Variants in UBE2E3 observed in about 807,000 individuals in gnomAD.
UBE2E3 encodes ubiquitin conjugating enzyme E2 E3.
In UBE2E3, 5 loss-of-function variants were observed where a neutral mutation model predicts 23.6. The observed-to-expected ratio is 0.21, with a 90% CI of 0.11 to 0.44. The LOEUF (loss-of-function observed/expected upper bound fraction) is 0.44, where lower values mean the gene tolerates loss of function less well. UBE2E3 is among the 20% of genes least tolerant of loss of function. The pLI is 0.99. For missense variants in UBE2E3, 81 were observed against 249.8 expected (o/e 0.32, Z 4.55); for synonymous variants, 78 against 87.5 (o/e 0.89, Z 0.60).
chr2:181,053,265 T>C (rs1288028140), intron 3 of UBE2E3, among the ~76,000 whole-genome samples: 1 of 151,780 alleles, frequency 6.6e-6, no homozygotes, highest in Admixed American at 6.6e-5. Context: ...ATCATACTTT[T>C]CAGTATTTTT....
chr2:181,037,785 A>G (rs1354554062), intron 3 of UBE2E3, among the ~76,000 whole-genome samples: 3 of 152,142 alleles, frequency 2.0e-5, no homozygotes, highest in Non-Finnish European at 4.4e-5. Context: ...CCTGGGCAAT[A>G]TAGCAAGACA....
In UBE2E3 at chr2:180,982,197, C is replaced by G. The variant is rs1393524691; in HGVS notation, c.155C>G (p.Ser52Cys). The G allele has an allele frequency of 2.5e-6, 4 of 1,612,026 alleles. No individual in the cohort carries two copies. Among genetic ancestry groups the G allele is most frequent in the Non-Finnish European group, 3.4e-6 (4 of 1,179,312 alleles). ...ATQQKKNTKL[S>C]SKTTAKLSTS... ...CAGCAGAAGAAAAACACCAAACTCT[C>G]TAGCAAAACCACTGCTAAGTTATCC... Residue 52 changes from serine (S) to cysteine (C), a missense_variant, in exon 2 of 6, where the codon TCT becomes TGT. Physicochemically the swap from Ser to Cys is moderately radical, Grantham distance 112. Coordinates refer to ENST00000410062, the MANE Select transcript of UBE2E3 (RefSeq NM_006357.4).
chr2:181,009,732 C>G (rs1685260706), intron 3 of UBE2E3, among the ~76,000 whole-genome samples: 1 of 151,976 alleles, frequency 6.6e-6, no homozygotes, highest in African/African-American at 2.4e-5. Context: ...TTTCTTCTGA[C>G]TCCCGTACTG....
intron 3 of UBE2E3, chr2:180,990,032 CACAT>C: frequency 6.8e-7 from 1 of 1,463,998 alleles, no homozygotes; most frequent in Non-Finnish European, 9.2e-7. Context: ...TTTTTTTTTC[CACAT>C]ACCAATTTTG....
Position 181,035,942 on chromosome 2 carries a change from A to C in UBE2E3, c.246-21751A>C, listed in dbSNP as rs556153748. ...GTTTGGTGTTGAACTCTATAGGTAT[A>C]AAGTAAGCCTCCAATGTGGTAAGTG... On this transcript the variant is annotated intron_variant, in intron 3 of 5. Transcript: ENST00000410062. Among the ~76,000 whole-genome samples, 10 of 152,338 alleles carry C rather than the reference A, an allele frequency of 6.6e-5. No individual in the cohort carries two copies. The East Asian group carries it at 1.9e-3, about 29-fold the overall frequency.
chr2:180,985,293 A>G (rs1574153198), intron 3 of UBE2E3, among the ~76,000 whole-genome samples: 1 of 152,168 alleles, frequency 6.6e-6, no homozygotes, highest in East Asian at 1.9e-4. Context: ...TAATGTAGCC[A>G]CTTGCCACAT....
At chr2:180,999,913 C>A (rs1574168211) in intron 3 of UBE2E3, among the ~76,000 whole-genome samples, 1 of 122,856 alleles carries the variant, frequency 8.1e-6, no homozygotes, top group Admixed American at 8.3e-5. Context: ...GACAAATAAA[C>A]AGGCATGTTT....
intron 3 of UBE2E3, among the ~76,000 whole-genome samples, chr2:181,012,833 G>C (rs576885337): frequency 1.1e-4 from 16 of 152,220 alleles, no homozygotes; most frequent in African/African-American, 3.9e-4. Flanking sequence ...CATGAATTTA[G>C]AGATACTAAC....
chr2:181,029,659 C>CTTTTT (rs61149975), intron 3 of UBE2E3, among the ~76,000 whole-genome samples: 4 of 116,844 alleles, frequency 3.4e-5, no homozygotes, highest in Admixed American at 2.6e-4. Context: ...TGTAGACAAT[C>CTTTTT]TTTTTTTTTT....
intron 3 of UBE2E3, among the ~76,000 whole-genome samples, chr2:181,038,911 T>TA (rs944801749): frequency 2.6e-5 from 4 of 152,068 alleles, no homozygotes; most frequent in African/African-American, 9.7e-5. Flanking sequence ...AAAATAATTA[T>TA]AAAAAAACAG....
chr2:181,053,046 A>T (rs1686889092), intron 3 of UBE2E3, among the ~76,000 whole-genome samples: 1 of 151,768 alleles, frequency 6.6e-6, no homozygotes, highest in Non-Finnish European at 1.5e-5. Flanking sequence ...GTTTCCAGGA[A>T]TAATCTTTTT....
At chr2:181,038,979 ATG>A (rs1686387644) in intron 3 of UBE2E3, among the ~76,000 whole-genome samples, 2 of 152,294 alleles carry the variant, frequency 1.3e-5, no homozygotes, top group African/African-American at 4.8e-5. Context: ...AGAAGGCAAA[ATG>A]GTATGGCCAC....
rs371737850 is a variant in UBE2E3, at chr2:181,006,103, C to T, written c.245+22010C>T. 6.6e-5 allele frequency among the ~76,000 whole-genome samples: 10 copies of T among 152,234 alleles called. 1 individual carries two copies. The highest frequency in any genetic ancestry group is 2.4e-4 in the African/African-American group (10 of 41,542). On this transcript the variant is annotated intron_variant, in intron 3 of 5. Coordinates refer to ENST00000410062, the MANE Select transcript of UBE2E3 (RefSeq NM_006357.4). The stretch of plus-strand genomic sequence containing the variant: ...TGAAGAACAGAATTGGGAGGCATTT[C>T]CAGAGTCTCTTACTCTGACAGCAAG...
intron 5 of UBE2E3, 145 bp downstream of exon 5, chr2:181,060,957 A>C (rs1381398155): frequency 1.1e-6 from 1 of 889,340 alleles, no homozygotes; most frequent in Non-Finnish European, 1.5e-6. Context: ...ACAGTTTGTG[A>C]GGAAATTACC....
chr2:181,028,756 T>C (rs1241984737), intron 3 of UBE2E3, among the ~76,000 whole-genome samples: 2 of 152,146 alleles, frequency 1.3e-5, no homozygotes, highest in African/African-American at 4.8e-5. Context: ...GGGGTTCTTA[T>C]GTATTGTGGA....
Position 181,057,833 on chromosome 2 carries a change from G to T in UBE2E3, c.378+8G>T. On this transcript the variant is annotated splice_region_variant and intron_variant, in intron 4 of 5. Transcript: ENST00000410062. ...CCATTTAAGCCACCAAAGGTAAGAA[G>T]CTTGAAGTGCATTCTTTAGTATTTA... 3 of 1,610,260 alleles carry T rather than the reference G, an allele frequency of 1.9e-6. No individual in the cohort carries two copies. The highest frequency in any genetic ancestry group is 2.7e-5 in the African/African-American group (2 of 74,736).
intron 4 of UBE2E3, among the ~76,000 whole-genome samples, chr2:181,058,766 T>A (rs1687053312): frequency 6.6e-6 from 1 of 151,724 alleles, no homozygotes; most frequent in Admixed American, 6.6e-5. Context: ...ATTTTGTGAA[T>A]AAAAGAGGGT....
intron 5 of UBE2E3, 55 bp from the exon 6 acceptor site, chr2:181,062,736 A>G: frequency 9.7e-7 from 1 of 1,035,020 alleles, no homozygotes; most frequent in Non-Finnish European, 1.5e-6. Context: ...TATTAGAACT[A>G]TACCTTGAAG....
intron 3 of UBE2E3, among the ~76,000 whole-genome samples, chr2:181,052,358 C>G (rs528656724): frequency 2.3e-4 from 35 of 151,802 alleles, no homozygotes; most frequent in African/African-American, 6.8e-4. Flanking sequence ...CTCTTTTTCT[C>G]TTATCACTAG....
Sources: allele counts gnomAD v4.1 joint callset (sites outside exome capture counted in the v4.1 genomes callset), GRCh38; gene constraint gnomAD v4.1.1; transcripts MANE v1.5; gene names NCBI Gene and HGNC (gene_info 2026-07-23, HGNC 2026-07-21).